PKHD1: variants seen among roughly 807,000 people sequenced by gnomAD.
PKHD1 encodes PKHD1 ciliary IPT domain containing fibrocystin/polyductin.
PKHD1 carries 291 observed loss-of-function variants against 412.0 expected under a neutral mutation model. The observed-to-expected ratio is 0.71, with a 90% CI of 0.64 to 0.78. PKHD1 has a LOEUF of 0.78. PKHD1 is among the 30% of genes least tolerant of loss of function. PKHD1 has a pLI of 0.00. For missense variants in PKHD1, 4,825 were observed against 4,950.7 expected (o/e 0.97, Z 0.76); for synonymous variants, 1,777 against 1,821.5 (o/e 0.98, Z 0.62).
chr6:51,756,530 C>T (rs1338732345), intron 55 of PKHD1, among the ~76,000 whole-genome samples: 1 of 152,196 alleles, frequency 6.6e-6, no homozygotes, highest in East Asian at 1.9e-4. Context: ...CAATGGAATA[C>T]TGTATAGCCA....
intron 36 of PKHD1, among the ~76,000 whole-genome samples, chr6:51,958,175 G>T (rs1424848859): frequency 6.6e-6 from 1 of 151,966 alleles, no homozygotes; most frequent in Non-Finnish European, 1.5e-5. Flanking sequence ...TCTTATTCGT[G>T]CAGAAACTGG....
At chr6:51,899,854 G>A (rs1780925739) in intron 43 of PKHD1, among the ~76,000 whole-genome samples, 2 of 152,110 alleles carry the variant, frequency 1.3e-5, no homozygotes, top group South Asian at 4.1e-4. Context: ...AAAATCACAA[G>A]CATTCTTATA....
intron 60 of PKHD1, among the ~76,000 whole-genome samples, chr6:51,713,307 A>C (rs906251845): frequency 1.3e-5 from 2 of 152,238 alleles, no homozygotes; most frequent in Non-Finnish European, 2.9e-5. Context: ...AGTGCAATCT[A>C]ATGCAATCTC....
chr6:51,778,175 A>G (rs945637099), intron 53 of PKHD1, among the ~76,000 whole-genome samples: 4 of 152,076 alleles, frequency 2.6e-5, no homozygotes, highest in African/African-American at 7.2e-5. Context: ...TTTGCCCCTA[A>G]ATGAGGGTAG....
rs150018435 is a variant in PKHD1, at chr6:51,663,316, C to A, written c.10157-3347G>T. ...AATTTTATAAATCTCTGGCTTTGTT[C>A]TTCCTACTTCTCATCTAAGAGATAT... On this transcript the variant is annotated intron_variant, in intron 60 of 66. Coordinates refer to ENST00000371117, the MANE Select transcript of PKHD1 (RefSeq NM_138694.4). 3.9e-3 allele frequency among the ~76,000 whole-genome samples: 592 copies of A among 152,120 alleles called. 9 individuals carry two copies. Among genetic ancestry groups the A allele is most frequent in the African/African-American group, 0.014 (570 of 41,524 alleles).
chr6:51,911,770 T>C, intron 39 of PKHD1, 29 bp downstream of exon 39: 1 of 1,595,648 alleles, frequency 6.3e-7, no homozygotes. Context: ...TTTTTGCTCA[T>C]TAGACTTTCC....
intron 60 of PKHD1, among the ~76,000 whole-genome samples, chr6:51,704,095 C>T (rs566023806): frequency 1.3e-5 from 2 of 152,164 alleles, no homozygotes; most frequent in African/African-American, 4.8e-5. Context: ...CTCCCTCTGA[C>T]AATTTTAGTC....
chr6:51,824,541 C>A (rs1767001055), intron 52 of PKHD1, among the ~76,000 whole-genome samples: 1 of 152,116 alleles, frequency 6.6e-6, no homozygotes, highest in African/African-American at 2.4e-5. Flanking sequence ...GAGAAATAGA[C>A]AGTTTCCAAA....
chr6:51,830,030 G>A (rs1029522979), intron 52 of PKHD1, among the ~76,000 whole-genome samples: 4 of 152,024 alleles, frequency 2.6e-5, no homozygotes, highest in Admixed American at 6.6e-5. Context: ...AACAGTTCCC[G>A]GCACATTGTT....
At chr6:51,773,276 G>A (rs1790452973) in intron 54 of PKHD1, among the ~76,000 whole-genome samples, 1 of 151,870 alleles carries the variant, frequency 6.6e-6, no homozygotes, top group Non-Finnish European at 1.5e-5. Context: ...AAATATCAAG[G>A]GAGAGATTTC....
intron 60 of PKHD1, among the ~76,000 whole-genome samples, chr6:51,724,542 G>GA (rs1162386955): frequency 2.6e-5 from 4 of 152,188 alleles, no homozygotes; most frequent in South Asian, 2.1e-4. Context: ...AGAGGAGGAA[G>GA]AAAAAATCTC....
rs1269856425 is a variant in PKHD1, at chr6:51,697,264, A to T, written c.10157-37295T>A. 2.6e-5 allele frequency among the ~76,000 whole-genome samples: 4 copies of T among 152,320 alleles called. No individual in the cohort carries two copies. In the East Asian group the frequency reaches 7.7e-4, roughly 29 times the overall value. ...AGTGCTTTGGATGTGTGCCTAACCA[A>T]ACACGCTGTGAGGTAATTGTAGTGC... On this transcript the variant is annotated intron_variant, in intron 60 of 66. Coordinates refer to ENST00000371117, the MANE Select transcript of PKHD1 (RefSeq NM_138694.4).
rs142437576 is a variant in PKHD1, at chr6:51,795,781, T to C, written c.8303-4408A>G. 9.3e-3 allele frequency among the ~76,000 whole-genome samples: 1,423 copies of C among 152,356 alleles called. 11 individuals are homozygous for C. The highest frequency in any genetic ancestry group is 0.014 in the Middle Eastern group (4 of 294). ...TTTTCTGCATCTGTTGAGATAATCA[T>C]GTGGTTTTGGTCTTTAGTTCTGTTT... On this transcript the variant is annotated intron_variant, in intron 52 of 66. Transcript: ENST00000371117.
intron 53 of PKHD1, among the ~76,000 whole-genome samples, chr6:51,788,289 A>G (rs2148454): frequency 0.59 from 88,859 of 151,572 alleles, 26,800 homozygotes; most frequent in East Asian, 0.83. Context: ...CAGAAGAATC[A>G]TATCTGTTCT....
At chr6:51,998,682 T>C (rs1797995543) in intron 35 of PKHD1, among the ~76,000 whole-genome samples, 2 of 152,162 alleles carry the variant, frequency 1.3e-5, no homozygotes, top group Admixed American at 6.5e-5. Flanking sequence ...TTTGTTTGGT[T>C]TTTTTCCCTT....
At chr6:51,629,808 T>C (rs1333973215) in intron 65 of PKHD1, among the ~76,000 whole-genome samples, 4 of 152,154 alleles carry the variant, frequency 2.6e-5, no homozygotes, top group Non-Finnish European at 4.4e-5. Flanking sequence ...TTATTCATAC[T>C]TGTATATTTG....
At chr6:52,054,708 A>C (rs1009069169) in intron 19 of PKHD1, among the ~76,000 whole-genome samples, 8 of 152,152 alleles carry the variant, frequency 5.3e-5, no homozygotes, top group Non-Finnish European at 8.8e-5. Context: ...GCATTATAGG[A>C]TGTTCAACAG....
At chr6:51,654,662 G>T (rs539216431) in intron 61 of PKHD1, among the ~76,000 whole-genome samples, 1 of 150,702 alleles carries the variant, frequency 6.6e-6, no homozygotes, top group East Asian at 2.0e-4. Context: ...AAATACAATA[G>T]ATTACAATTA....
In PKHD1 at chr6:51,916,513, G is replaced by A. The variant is rs546497953; in HGVS notation, c.6122-3937C>T. ...ACTAGTTCTTCTGAATCTAAGACCA[G>A]AGAACTAGACAAGTAAATGGAATTT... On this transcript the variant is annotated intron_variant, in intron 37 of 66. Transcript: ENST00000371117. 1.0e-3 allele frequency among the ~76,000 whole-genome samples: 157 copies of A among 152,236 alleles called. 1 individual carries two copies. The highest frequency in any genetic ancestry group is 3.3e-3 in the African/African-American group (136 of 41,564).
Sources: gnomAD v4.1 joint callset for allele counts (sites outside exome capture counted in the v4.1 genomes callset) on GRCh38, gnomAD v4.1.1 for gene constraint, MANE v1.5 for transcripts, NCBI Gene and HGNC (gene_info 2026-07-23, HGNC 2026-07-21) for gene names.